The following BPIFB2 variants were observed in gnomAD, a reference collection of about 807,000 sequenced individuals.
BPIFB2 encodes BPI fold containing family B member 2.
In BPIFB2, 39 loss-of-function variants were observed where a neutral mutation model predicts 50.1. The ratio of observed to expected loss-of-function variants is 0.78; its 90% CI spans 0.60 to 1.02. The LOEUF is 1.02. BPIFB2 is among the 50% of genes least tolerant of loss of function. The pLI is 0.00. For missense variants in BPIFB2, 574 were observed against 585.8 expected, an observed-to-expected ratio of 0.98 and a Z score of 0.21; for synonymous variants, 280 against 256.3, an observed-to-expected ratio of 1.09 and a Z score of -0.88.
intron 7 of BPIFB2, among the ~76,000 whole-genome samples, chr20:33,017,329 A>T (rs1600513994): frequency 6.6e-6 from 1 of 152,242 alleles, no homozygotes; most frequent in African/African-American, 2.4e-5. Context: ...TGTATCTTAG[A>T]TCAAAAAATC....
At position 33,021,263 on chromosome 20, in the gene BPIFB2, C is replaced by G; in HGVS notation, c.1195-18C>G. On this transcript the variant is annotated intron_variant, in intron 13 of 15. Coordinates refer to ENST00000170150, the MANE Select transcript of BPIFB2 (RefSeq NM_025227.3). ...CCTCGGCTGGGACGGGCCCATCTCC[C>G]TGGCTCCGTGGCCACAGACAGATCA... 9 of 1,613,784 alleles carry G rather than the reference C, an allele frequency of 5.6e-6. No individual in the cohort carries two copies. Among genetic ancestry groups the G allele is most frequent in the Non-Finnish European group, 7.6e-6 (9 of 1,179,902 alleles).
intron 4 of BPIFB2, among the ~76,000 whole-genome samples, chr20:33,013,126 T>C (rs561853298): frequency 6.6e-6 from 1 of 152,136 alleles, no homozygotes; most frequent in Non-Finnish European, 1.5e-5. Context: ...CAGAGTCACT[T>C]GGCTTGTTTA....
In BPIFB2 at chr20:33,019,064, G is replaced by T. The variant is rs766758909; in HGVS notation, c.858G>T (p.Arg286Ser). Residue 286 changes from arginine (R) to serine (S), a missense_variant and splice_region_variant, in exon 10 of 16, where the codon AGG becomes AGT. Physicochemically the swap from Arg to Ser is moderately radical, Grantham distance 110 (BLOSUM62 -1). Transcript: ENST00000170150. ...GTGGCCTGGGGTGCTGATTTCAGAG[G>T]TCGGATGACAACCTGCTGAACACCT... ...ALNLDITGQL[R>S]SDDNLLNTSA... 1.2e-6 allele frequency: 2 copies of T among 1,614,038 alleles called. No homozygotes were observed. Among genetic ancestry groups the T allele is most frequent in the African/African-American group, 1.3e-5 (1 of 74,908 alleles).
At chr20:33,008,438 G>A in intron 1 of BPIFB2, 103 bp from the exon 2 acceptor site, 1 of 613,882 alleles carries the variant, frequency 1.6e-6, no homozygotes, top group East Asian at 3.0e-5. Context: ...GGCAGGGCTG[G>A]GATCACCAGT....
rs117092309 is a variant in BPIFB2 at position 33,022,767 on chromosome 20, G to A, written c.1336-575G>A. Among the ~76,000 whole-genome samples the A allele has an allele frequency of 5.5e-3, 842 of 152,250 alleles. 6 individuals are homozygous for A. The highest frequency in any genetic ancestry group is 7.2e-3 in the Non-Finnish European group (493 of 68,014). ...ATGAATTTCCATGTAATTAGCCATA[G>A]GACTAATTAATTAGCCATAGCCACT... On this transcript the variant is annotated intron_variant, in intron 15 of 15. Coordinates refer to ENST00000170150, the MANE Select transcript of BPIFB2 (RefSeq NM_025227.3).
chr20:33,020,686 C>A, intron 13 of BPIFB2, 99 bp downstream of exon 13: 1 of 1,350,706 alleles, frequency 7.4e-7, no homozygotes, highest in Non-Finnish European at 1.0e-6. Context: ...GACCCGTGTG[C>A]CTGTGTGTGC....
chr20:33,020,504 G>A, intron 12 of BPIFB2, 38 bp from the exon 13 acceptor site: 3 of 1,599,868 alleles, frequency 1.9e-6, no homozygotes, highest in Non-Finnish European at 2.6e-6. Flanking sequence ...GTAGGGAGGT[G>A]CCAGACCCTG....
Position 33,010,952 on chromosome 20 carries a change from G to T in BPIFB2, c.110-72G>T, listed in dbSNP as rs1327647447. Reference sequence around the variant, plus strand: ...CCTCTGCCCAAGGTGCAGGGTAGATGGCAGGCAGTGTGTTCTTGCTACTTG... The same window carrying T: ...CCTCTGCCCAAGGTGCAGGGTAGATTGCAGGCAGTGTGTTCTTGCTACTTG... On this transcript the variant is annotated intron_variant, in intron 2 of 15. Transcript: ENST00000170150. 3.1e-6 allele frequency: 4 copies of T among 1,300,964 alleles called. No individual in the cohort carries two copies. In the African/African-American group the frequency reaches 5.8e-5, roughly 19 times the overall value. 80.6% of individuals were successfully genotyped at this position (1,300,964 alleles called of 1,614,324 possible). A position where few individuals can be genotyped will look rare whatever the true frequency, so the allele number is the denominator to read the frequency against.
At chr20:33,016,926 C>A in intron 6 of BPIFB2, 116 bp from the exon 7 acceptor site, 3 of 868,278 alleles carry the variant, frequency 3.5e-6, no homozygotes, top group Non-Finnish European at 5.3e-6. Context: ...GGATTCCAGG[C>A]ATGGTGTATG....
chr20:33,010,873 T>G, intron 2 of BPIFB2, 151 bp from the exon 3 acceptor site: 2 of 601,030 alleles, frequency 3.3e-6, no homozygotes, highest in Non-Finnish European at 2.9e-6. Flanking sequence ...TCATGGGGAG[T>G]CAGCTGCCCT....
chr20:33,023,192 A>G, intron 15 of BPIFB2, 150 bp from the exon 16 acceptor site: 1 of 707,838 alleles, frequency 1.4e-6, no homozygotes, highest in East Asian at 2.6e-5. Context: ...AAAGTGACAG[A>G]CTGGTAAACT....
At chr20:33,007,934 G>A (rs1419404200) in intron 1 of BPIFB2, among the ~76,000 whole-genome samples, 174 bp downstream of exon 1, 39 of 152,328 alleles carry the variant, frequency 2.6e-4, no homozygotes, top group Admixed American at 2.3e-3. Flanking sequence ...CACCTGAGCC[G>A]CAGTCCCTCA....
At chr20:33,013,069 T>C (rs1990311393) in intron 4 of BPIFB2, among the ~76,000 whole-genome samples, 162 bp downstream of exon 4, 1 of 152,086 alleles carries the variant, frequency 6.6e-6, no homozygotes, top group South Asian at 2.1e-4. Flanking sequence ...GGGAGCAAGA[T>C]AGTGAGAACA....
At chr20:33,023,016 G>C (rs1978732955) in intron 15 of BPIFB2, among the ~76,000 whole-genome samples, 2 of 152,296 alleles carry the variant, frequency 1.3e-5, no homozygotes, top group Middle Eastern at 6.8e-3. Flanking sequence ...GGGGGTGCCT[G>C]AGTCTGCTGG....
intron 4 of BPIFB2, 34 bp from the exon 5 acceptor site, chr20:33,013,776 G>T: frequency 6.2e-7 from 1 of 1,603,084 alleles, no homozygotes; most frequent in Non-Finnish European, 8.5e-7. Flanking sequence ...CTGCTGGGCG[G>T]TGCTGCTCGG....
In BPIFB2 at chr20:33,012,798, T is replaced by A. The variant is rs1441173843; in HGVS notation, c.204-5T>A. 1 of 1,610,558 alleles carries A rather than the reference T, an allele frequency of 6.2e-7. No individual in the cohort carries two copies. The highest frequency in any genetic ancestry group is 8.5e-7 in the Non-Finnish European group (1 of 1,176,876). On this transcript the variant is annotated splice_region_variant and splice_polypyrimidine_tract_variant and intron_variant, in intron 3 of 15. Coordinates refer to ENST00000170150, the MANE Select transcript of BPIFB2 (RefSeq NM_025227.3). ...CACTCTGTCACCTTGATTACTACCCTGCAGGATCCGGATTCTGAATGTCCA... is the reference window on the plus strand; with the variant it reads ...CACTCTGTCACCTTGATTACTACCCAGCAGGATCCGGATTCTGAATGTCCA...
At chr20:33,016,723 G>A (rs1053402225) in intron 6 of BPIFB2, among the ~76,000 whole-genome samples, 2 of 152,230 alleles carry the variant, frequency 1.3e-5, no homozygotes, top group African/African-American at 2.4e-5. Context: ...TCTCAGCCCC[G>A]TTGCAGCAGA....
intron 1 of BPIFB2, among the ~76,000 whole-genome samples, chr20:33,008,146 C>T (rs571849291): frequency 4.6e-5 from 7 of 152,280 alleles, no homozygotes; most frequent in South Asian, 2.1e-4. Flanking sequence ...GGCTGTCACA[C>T]GGGGCTGGAC....
rs1600514967 is a variant in BPIFB2 at position 33,018,923 on chromosome 20, G to A, written c.855+101G>A. 17 of 1,560,746 alleles carry A rather than the reference G, an allele frequency of 1.1e-5. No homozygotes were observed. In the East Asian group the frequency reaches 2.5e-4, roughly 23 times the overall value. The stretch of plus-strand genomic sequence containing the variant: ...GGCCAAATCATGGGTGGGTGGGGCC[G>A]CTGAAGCTGGCGCCACAGGGTGGCT... On this transcript the variant is annotated intron_variant, in intron 9 of 15. Coordinates refer to ENST00000170150, the MANE Select transcript of BPIFB2 (RefSeq NM_025227.3).
Sources: gnomAD v4.1 joint callset for allele counts (sites outside exome capture counted in the v4.1 genomes callset) on GRCh38, gnomAD v4.1.1 for gene constraint, MANE v1.5 for transcripts, NCBI Gene and HGNC (gene_info 2026-07-23, HGNC 2026-07-21) for gene names.